ADIPOR2: variants seen among roughly 807,000 people sequenced by gnomAD.
ADIPOR2 encodes adiponectin receptor 2, also known as adiponectin receptor protein 2.
A neutral mutation model predicts 40.9 loss-of-function variants in ADIPOR2; 18 were observed. That is an observed-to-expected ratio of 0.44 (90% CI 0.30 to 0.65). The LOEUF (loss-of-function observed/expected upper bound fraction) is 0.65. ADIPOR2 is among the 30% of genes least tolerant of loss of function. The pLI, the probability that ADIPOR2 is intolerant of heterozygous loss-of-function variation, is 0.09. For missense variants in ADIPOR2, 283 were observed against 479.2 expected, an observed-to-expected ratio of 0.59 and a Z score of 3.82; for synonymous variants, 165 against 166.4, an observed-to-expected ratio of 0.99 and a Z score of 0.06.
chr12:1,710,738 T>G (rs2094674948), intron 1 of ADIPOR2, among the ~76,000 whole-genome samples: 1 of 152,076 alleles, frequency 6.6e-6, no homozygotes, highest in African/African-American at 2.4e-5. Flanking sequence ...AAAAGTTGGT[T>G]GACCCTGTAG....
At chr12:1,708,311 ATTC>A (rs1487319978) in intron 1 of ADIPOR2, among the ~76,000 whole-genome samples, 3 of 151,920 alleles carry the variant, frequency 2.0e-5, no homozygotes, top group Non-Finnish European at 4.4e-5. Flanking sequence ...AGATGACTGT[ATTC>A]TTTTGTTCTG....
In ADIPOR2 at chr12:1,721,124, C is replaced by T. The variant is rs577248315; in HGVS notation, c.-87+29933C>T. On this transcript the variant is annotated intron_variant, in intron 1 of 7. Coordinates refer to ENST00000357103, the MANE Select transcript of ADIPOR2 (RefSeq NM_024551.3). ...AAATGTATAAAACTAAACTTTGCCC[C>T]GGCCACCTTGAGCACATGTTGTCAG... Among the ~76,000 whole-genome samples the T allele has an allele frequency of 2.6e-5, 4 of 152,074 alleles. 1 individual carries two copies. The highest frequency in any genetic ancestry group is 4.4e-5 in the Non-Finnish European group (3 of 68,008).
chr12:1,729,646 G>GGTTT (rs2094715841), intron 1 of ADIPOR2, among the ~76,000 whole-genome samples: 2 of 118,008 alleles, frequency 1.7e-5, no homozygotes, highest in Non-Finnish European at 1.7e-5. Flanking sequence ...TTTTTTGAGT[G>GGTTT]TTTTTTTTTG....
Position 1,716,139 on chromosome 12 carries a change from A to G in ADIPOR2, c.-87+24948A>G, listed in dbSNP as rs535208688. Among the ~76,000 whole-genome samples the G allele has an allele frequency of 6.4e-4, 97 of 152,204 alleles. 1 individual carries two copies. The highest frequency in any genetic ancestry group is 3.4e-3 in the Middle Eastern group (1 of 294). On this transcript the variant is annotated intron_variant, in intron 1 of 7. Coordinates refer to ENST00000357103, the MANE Select transcript of ADIPOR2 (RefSeq NM_024551.3). ...TCCATGAACCCACTGGAAGGAACCAACTCCGCACACATAAAGATGAGGAAA... is the reference window on the plus strand; with the variant it reads ...TCCATGAACCCACTGGAAGGAACCAGCTCCGCACACATAAAGATGAGGAAA...
intron 1 of ADIPOR2, among the ~76,000 whole-genome samples, chr12:1,740,948 C>T (rs1190082688): frequency 6.6e-6 from 1 of 152,106 alleles, no homozygotes; most frequent in Non-Finnish European, 1.5e-5. Flanking sequence ...AAAAGGTGAC[C>T]TTTTACCTGG....
intron 1 of ADIPOR2, among the ~76,000 whole-genome samples, chr12:1,716,523 A>G (rs986280399): frequency 2.0e-5 from 3 of 152,230 alleles, no homozygotes; most frequent in African/African-American, 4.8e-5. Context: ...AGGCTAGTGA[A>G]TAAAAAATAA....
At chr12:1,757,266 CT>C (rs1862152578) in intron 2 of ADIPOR2, 1 of 592,370 alleles carries the variant, frequency 1.7e-6, no homozygotes, top group Admixed American at 2.5e-5. Flanking sequence ...AGTCTTTTGT[CT>C]TTCTTTTCAG....
chr12:1,769,084 A>G (rs546639373), intron 2 of ADIPOR2, among the ~76,000 whole-genome samples: 45 of 152,334 alleles, frequency 3.0e-4, no homozygotes, highest in Middle Eastern at 3.4e-3. Context: ...TTTATTGTTC[A>G]GAGAGGTATC....
chr12:1,746,477 GA>G (rs745317816), intron 1 of ADIPOR2, among the ~76,000 whole-genome samples: 7 of 151,968 alleles, frequency 4.6e-5, no homozygotes, highest in Non-Finnish European at 1.0e-4. Context: ...GACAGAACAA[GA>G]CTGCCTCAAA....
At chr12:1,753,327 A>G (rs1862046108) in intron 1 of ADIPOR2, among the ~76,000 whole-genome samples, 1 of 152,262 alleles carries the variant, frequency 6.6e-6, no homozygotes, top group African/African-American at 2.4e-5. Context: ...GTTAAGAGGT[A>G]TAGTGCCAAG....
chr12:1,742,492 T>C (rs568319205), intron 1 of ADIPOR2, among the ~76,000 whole-genome samples: 4 of 152,342 alleles, frequency 2.6e-5, no homozygotes, highest in Admixed American at 2.6e-4. Flanking sequence ...GCGAGAGCAT[T>C]CAGAGATGCA....
rs1218235439 is a variant in ADIPOR2 at position 1,788,661 on chromosome 12, A to T, written c.*2589A>T. ...GCTGTATTCTCAGTTTCTAATAAAA[A>T]GAACCAAATGAAATATGACCTGTCG... On this transcript the variant is annotated 3_prime_UTR_variant, in exon 8 of 8. Coordinates refer to ENST00000357103, the MANE Select transcript of ADIPOR2 (RefSeq NM_024551.3). The T allele has an allele frequency of 6.6e-6, 1 of 152,600 alleles. No homozygotes were observed. Among genetic ancestry groups the T allele is most frequent in the Non-Finnish European group, 1.5e-5 (1 of 68,048 alleles). The allele number at this position is 152,600 out of a possible 1,614,324, so 9.5% of individuals were successfully genotyped here.
At chr12:1,731,941 A>G (rs1254087638) in intron 1 of ADIPOR2, among the ~76,000 whole-genome samples, 3 of 152,174 alleles carry the variant, frequency 2.0e-5, no homozygotes, top group African/African-American at 4.8e-5. Context: ...TCTAGCCTGC[A>G]TGATAGAGTG....
intron 1 of ADIPOR2, among the ~76,000 whole-genome samples, chr12:1,742,192 A>C (rs937857605): frequency 3.9e-5 from 6 of 152,180 alleles, no homozygotes; most frequent in Non-Finnish European, 8.8e-5. Context: ...TCTTAAGCTC[A>C]AGCGATCCTC....
intron 1 of ADIPOR2, among the ~76,000 whole-genome samples, chr12:1,717,709 G>GA (rs35793748): frequency 0.042 from 6,140 of 144,990 alleles, 202 homozygotes; most frequent in East Asian, 0.16. Context: ...CCATCTTAAG[G>GA]AAAAAAAAAA....
chr12:1,711,064 A>G (rs1014659431), intron 1 of ADIPOR2, among the ~76,000 whole-genome samples: 3 of 152,142 alleles, frequency 2.0e-5, no homozygotes, highest in Admixed American at 2.0e-4. Flanking sequence ...GTGGCGTCTC[A>G]TACTATCCCT....
In ADIPOR2 at chr12:1,691,081, C is replaced by CGCGGCGGCGGCAGCG. The variant is rs958757118; in HGVS notation, c.-188_-174dup. On this transcript the variant is annotated 5_prime_UTR_variant, in exon 1 of 8. Coordinates refer to ENST00000357103, the MANE Select transcript of ADIPOR2 (RefSeq NM_024551.3). ...GAGAGCGCGATTCCAGAAGCGGCAT[C>CGCGGCGGCGGCAGCG]GCGGCGGCGGCAGCGGCGGCGGCTA... is the stretch of plus-strand genomic sequence containing the variant. The CGCGGCGGCGGCAGCG allele has an allele frequency of 6.0e-6, 1 of 166,320 alleles. No individual in the cohort carries two copies. The highest frequency in any genetic ancestry group is 1.3e-4 in the South Asian group (1 of 7,930). The allele number at this position is 166,320 out of a possible 1,614,324, so 10.3% of individuals were successfully genotyped here.
At chr12:1,739,381 T>C (rs1850236514) in intron 1 of ADIPOR2, among the ~76,000 whole-genome samples, 1 of 152,236 alleles carries the variant, frequency 6.6e-6, no homozygotes, top group African/African-American at 2.4e-5. Flanking sequence ...TTTCCCTCTC[T>C]GAAAGTAAAA....
At chr12:1,747,382 T>C (rs1190340209) in intron 1 of ADIPOR2, among the ~76,000 whole-genome samples, 3 of 152,012 alleles carry the variant, frequency 2.0e-5, no homozygotes, top group Non-Finnish European at 4.4e-5. Context: ...AATTAGAAAA[T>C]ATCGAGACAA....
Sources: allele counts gnomAD v4.1 joint callset (sites outside exome capture counted in the v4.1 genomes callset), GRCh38; gene constraint gnomAD v4.1.1; transcripts MANE v1.5; gene names NCBI Gene and HGNC (gene_info 2026-07-23, HGNC 2026-07-21).